KIF5B: variants seen among roughly 807,000 people sequenced by gnomAD.
KIF5B encodes kinesin-1 heavy chain.
A neutral mutation model predicts 132.8 loss-of-function variants in KIF5B; 49 were observed. The observed-to-expected ratio is 0.37, with a 90% CI of 0.29 to 0.47. The LOEUF is 0.47. KIF5B is among the 20% of genes least tolerant of loss of function. The pLI is 1.00. For missense variants in KIF5B, 780 were observed against 1,144.0 expected, an observed-to-expected ratio of 0.68 and a Z score of 4.59; for synonymous variants, 355 against 369.4, an observed-to-expected ratio of 0.96 and a Z score of 0.45.
At chr10:32,027,833 G>A (rs1841353010) in intron 15 of KIF5B, among the ~76,000 whole-genome samples, 1 of 151,788 alleles carries the variant, frequency 6.6e-6, no homozygotes, top group Non-Finnish European at 1.5e-5. Flanking sequence ...GAACTCCTGG[G>A]CTCAAGTGAT....
At chr10:32,025,879 A>C (rs1841327646) in intron 15 of KIF5B, among the ~76,000 whole-genome samples, 1 of 152,262 alleles carries the variant, frequency 6.6e-6, no homozygotes, top group Non-Finnish European at 1.5e-5. Flanking sequence ...AAAGGGCTAC[A>C]TATACATACT....
At chr10:32,026,011 G>A (rs555223687) in intron 15 of KIF5B, among the ~76,000 whole-genome samples, 1 of 152,302 alleles carries the variant, frequency 6.6e-6, no homozygotes, top group Non-Finnish European at 1.5e-5. Context: ...AATTTGTTAG[G>A]GTGGTGTGGG....
chr10:32,040,520 C>T (rs1012051997), intron 2 of KIF5B, 63 bp from the exon 3 acceptor site: 1 of 908,944 alleles, frequency 1.1e-6, no homozygotes. Context: ...TAAGAAATTA[C>T]TTAAACTACA....
intron 13 of KIF5B, among the ~76,000 whole-genome samples, chr10:32,031,681 G>A (rs1841403935): frequency 1.3e-5 from 2 of 151,634 alleles, no homozygotes; most frequent in Non-Finnish European, 2.9e-5. Flanking sequence ...AAAGGAAAAT[G>A]GCATTCTACA....
At chr10:32,030,345 T>A (rs1462496906) in intron 14 of KIF5B, among the ~76,000 whole-genome samples, 2 of 151,906 alleles carry the variant, frequency 1.3e-5, no homozygotes, top group Non-Finnish European at 2.9e-5. Context: ...GGTGAAACCC[T>A]GTTGCTACTA....
rs61091883 is a variant in KIF5B at position 32,055,518 on chromosome 10, GCACACA to G, written c.126+324_126+329del. On this transcript the variant is annotated intron_variant, in intron 1 of 25. Coordinates refer to ENST00000302418, the MANE Select transcript of KIF5B (RefSeq NM_004521.3). ...CAAAACACCAACAGTATCCGTAATT[GCACACA>G]CACACACACACACACACGCAGACAA... 5.9e-3 allele frequency among the ~76,000 whole-genome samples: 889 copies of G among 150,124 alleles called. 3 individuals carry two copies. Among genetic ancestry groups the G allele is most frequent in the African/African-American group, 0.02 (838 of 40,974 alleles).
chr10:32,039,461 A>C (rs41289023), intron 3 of KIF5B, 30 bp from the exon 4 acceptor site: 99,621 of 925,328 alleles, frequency 0.11, 6,014 homozygotes, highest in Admixed American at 0.14. Context: ...AGACTTCTTA[A>C]ATAAATTATA....
intron 1 of KIF5B, among the ~76,000 whole-genome samples, chr10:32,055,399 A>G (rs567911822): frequency 1.3e-5 from 2 of 152,318 alleles, no homozygotes; most frequent in East Asian, 1.9e-4. Context: ...CATCTTTACT[A>G]AAGTACACTA....
intron 2 of KIF5B, among the ~76,000 whole-genome samples, chr10:32,045,616 A>G (rs1841598230): frequency 6.6e-6 from 1 of 152,252 alleles, no homozygotes; most frequent in Non-Finnish European, 1.5e-5. Context: ...AATAGAAGAC[A>G]CTAATGTTAT....
chr10:32,010,570 CG>C lies in KIF5B; in HGVS notation c.*966del, dbSNP rs1276520783. On this transcript the variant is annotated 3_prime_UTR_variant, in exon 26 of 26. Transcript: ENST00000302418. Reference sequence around the variant, plus strand: ...ATTTCCACACGCTATAAATTTAGGTCGGCCAATAAAGTACTAACCGTATAAA... The same window carrying C: ...ATTTCCACACGCTATAAATTTAGGTCGCCAATAAAGTACTAACCGTATAAA... 2.0e-5 allele frequency: 3 copies of C among 152,034 alleles called. No homozygotes were observed. The highest frequency in any genetic ancestry group is 7.2e-5 in the African/African-American group (3 of 41,400). 9.4% of individuals were successfully genotyped at this position (152,034 alleles called of 1,614,324 possible). A position where few individuals can be genotyped will look rare whatever the true frequency, so the allele number is the denominator to read the frequency against.
At chr10:32,046,762 C>T (rs998001957) in intron 2 of KIF5B, among the ~76,000 whole-genome samples, 2 of 152,116 alleles carry the variant, frequency 1.3e-5, no homozygotes, top group African/African-American at 2.4e-5. Context: ...ATGACAACAC[C>T]TTTACCTTTT....
chr10:32,048,583 A>C (rs749219123), intron 1 of KIF5B, 32 bp from the exon 2 acceptor site: 3 of 1,492,002 alleles, frequency 2.0e-6, no homozygotes, highest in Non-Finnish European at 2.8e-6. Context: ...CAACTATACA[A>C]ATTAAAGGTA....
Position 32,018,042 on chromosome 10 carries a change from T to C in KIF5B, c.2544+10A>G. On this transcript the variant is annotated intron_variant, in intron 23 of 25. Transcript: ENST00000302418. ...ATCTTGCAGCTACCAGAAAATATAC[T>C]CTTTAGTACCTGTTTGTGCACTTTA... is the stretch of plus-strand genomic sequence containing the variant. 1 of 1,452,858 alleles carries C rather than the reference T, an allele frequency of 6.9e-7. No individual in the cohort carries two copies. The highest frequency in any genetic ancestry group is 9.5e-7 in the Non-Finnish European group (1 of 1,056,294). 90.0% of individuals were successfully genotyped at this position (1,452,858 alleles called of 1,614,324 possible).
chr10:32,055,997 G>A lies in KIF5B; in HGVS notation c.-24C>T, dbSNP rs747300872. 4.4e-6 allele frequency: 7 copies of A among 1,595,618 alleles called. No homozygotes were observed. In the East Asian group the frequency reaches 1.1e-4, roughly 26 times the overall value. ...ATCTTTCTCGCAGCCGGGGCCGGCGGCCGGGAGCCACTCCCCGCCGCTCAG... is the reference window on the plus strand; with the variant it reads ...ATCTTTCTCGCAGCCGGGGCCGGCGACCGGGAGCCACTCCCCGCCGCTCAG... On this transcript the variant is annotated 5_prime_UTR_variant, in exon 1 of 26. Coordinates refer to ENST00000302418, the MANE Select transcript of KIF5B (RefSeq NM_004521.3).
At chr10:32,013,162 A>G (rs1263140658) in intron 25 of KIF5B, among the ~76,000 whole-genome samples, 2 of 152,056 alleles carry the variant, frequency 1.3e-5, no homozygotes, top group Admixed American at 1.3e-4. Context: ...CAGCCTCCCA[A>G]GTGCTGGGAT....
At chr10:32,035,297 G>A (rs1393644262) in intron 10 of KIF5B, among the ~76,000 whole-genome samples, 1 of 152,120 alleles carries the variant, frequency 6.6e-6, no homozygotes, top group African/African-American at 2.4e-5. Context: ...ATTACAGCTT[G>A]TCACACAAAT....
Position 32,055,851 on chromosome 10 carries a change from G to T in KIF5B, c.123C>A (p.Ile41=), listed in dbSNP as rs1841755206. 1.2e-6 allele frequency: 2 copies of T among 1,611,954 alleles called. No individual in the cohort carries two copies. The highest frequency in any genetic ancestry group is 1.7e-6 in the Non-Finnish European group (2 of 1,179,678). Residue 41 remains isoleucine, a synonymous_variant, in exon 1 of 26, where the codon ATC becomes ATA. Coordinates refer to ENST00000302418, the MANE Select transcript of KIF5B (RefSeq NM_004521.3). ...AKFQGEDTVV[I]ASKPYAFDRV... The stretch of plus-strand genomic sequence containing the variant: ...GATGCCGGCGGGGGTCACTCACCGC[G>T]ATCACGACCGTGTCTTCTCCCTGAA...
At position 32,033,980 on chromosome 10, in the gene KIF5B, G is replaced by C. The variant is rs1437270341; in HGVS notation, c.1170C>G (p.Phe390Leu). 1.2e-6 allele frequency: 2 copies of C among 1,605,514 alleles called. No individual in the cohort carries two copies. Among genetic ancestry groups the C allele is most frequent in the Non-Finnish European group, 1.7e-6 (2 of 1,176,222 alleles). ...FDKEKANLEAFTVDKDITLTN... is the reference protein window; with the variant it reads ...FDKEKANLEALTVDKDITLTN... ...TAAGAGTAATATCTTTATCCACTGT[G>C]AAAGCTTCCAAGTTGGCTTTCTCTT... is the stretch of plus-strand genomic sequence containing the variant. The change falls in exon 12 of 26, where the codon TTC becomes TTG. Residue 390 changes from phenylalanine (F) to leucine (L), a missense_variant. Physicochemically the swap from Phe to Leu is conservative, Grantham distance 22. Transcript: ENST00000302418.
intron 21 of KIF5B, 42 bp downstream of exon 21, chr10:32,018,460 C>A (rs1413905486): frequency 2.2e-5 from 35 of 1,591,676 alleles, no homozygotes; most frequent in Non-Finnish European, 2.7e-5. Context: ...AAAAAACCCA[C>A]AAAATATTTC....
Sources: gnomAD v4.1 joint callset for allele counts (sites outside exome capture counted in the v4.1 genomes callset) on GRCh38, gnomAD v4.1.1 for gene constraint, MANE v1.5 for transcripts, NCBI Gene and HGNC (gene_info 2026-07-23, HGNC 2026-07-21) for gene names.